Variants in COL5A1 observed in about 807,000 individuals in gnomAD.
The protein encoded by COL5A1 is collagen type V alpha 1 chain.
A neutral mutation model predicts 263.7 loss-of-function variants in COL5A1; 16 were observed. The observed-to-expected ratio is 0.06, with a 90% CI of 0.04 to 0.09. COL5A1 has a LOEUF of 0.09. COL5A1 is among the 10% of genes least tolerant of loss of function. COL5A1 has a pLI of 1.00. For synonymous variants in COL5A1, 1,012 were observed against 1,004.5 expected (o/e 1.01, Z -0.14); for missense variants, 2,036 against 2,540.5 (o/e 0.80, Z 4.27).
intron 1 of COL5A1, among the ~76,000 whole-genome samples, chr9:134,644,012 C>T (rs1588393548): frequency 1.3e-5 from 2 of 152,094 alleles, no homozygotes; most frequent in East Asian, 1.9e-4. Flanking sequence ...GTGAGGATGG[C>T]CCAGAGCAGC....
intron 4 of COL5A1, among the ~76,000 whole-genome samples, chr9:134,724,024 C>T (rs546907766): frequency 2.6e-5 from 4 of 152,266 alleles, no homozygotes; most frequent in South Asian, 4.1e-4. Flanking sequence ...GTCCTCCCCT[C>T]GGCCCCTGCC....
chr9:134,768,876 C>T (rs906363614), intron 25 of COL5A1, among the ~76,000 whole-genome samples: 2 of 152,148 alleles, frequency 1.3e-5, no homozygotes, highest in East Asian at 1.9e-4. Flanking sequence ...GGTGAGCAAA[C>T]GCGTTTGCAG....
At position 134,756,809 on chromosome 9, in the gene COL5A1, T is replaced by G; in HGVS notation, c.1872T>G (p.Thr624=). The change falls in exon 17 of 66, where the codon ACT becomes ACG. Residue 624 remains threonine, a synonymous_variant. Transcript: ENST00000371817. ...GAGCCAGAGGAATGCCTGGACAAAC[T>G]GGCCCCAAGGTAGGTCACCCACCAC... ...SDGARGMPGQ[T]GPKGDRGFDG... 2 of 1,614,014 alleles carry G rather than the reference T, an allele frequency of 1.2e-6. No homozygotes were observed. Among genetic ancestry groups the G allele is most frequent in the Admixed American group, 1.7e-5 (1 of 60,002 alleles).
intron 19 of COL5A1, among the ~76,000 whole-genome samples, chr9:134,762,800 C>A (rs1429943055): frequency 6.6e-6 from 1 of 151,596 alleles, no homozygotes; most frequent in African/African-American, 2.4e-5. Context: ...GGCCTCAGCA[C>A]AGTCTGCTGT....
Position 134,834,481 on chromosome 9 carries a change from G to A in COL5A1, c.5137-490G>A, listed in dbSNP as rs529054817. 1.9e-3 allele frequency among the ~76,000 whole-genome samples: 294 copies of A among 152,280 alleles called. 1 individual carries two copies. Among genetic ancestry groups the A allele is most frequent in the African/African-American group, 6.7e-3 (277 of 41,544 alleles). On this transcript the variant is annotated intron_variant, in intron 64 of 65. Coordinates refer to ENST00000371817, the MANE Select transcript of COL5A1 (RefSeq NM_000093.5). Reference sequence around the variant, plus strand: ...GCTGGCCCAGGAGACACTGGCTGCCGTTCACCATGCAGCAAAGCTTTATCA... The same window carrying A: ...GCTGGCCCAGGAGACACTGGCTGCCATTCACCATGCAGCAAAGCTTTATCA...
rs1212782465 is a variant in COL5A1, at chr9:134,822,127, C to T, written c.4585C>T (p.Pro1529Ser). Residue 1529 changes from proline to serine, a missense_variant, in exon 59 of 66, where the codon CCT becomes TCT. This residue lies in a region of COL5A1 where 1,078 missense variants were observed against 1,521.4 expected (regional missense o/e 0.71). Transcript: ENST00000371817. ...GITGPSGPIG[P>S]PGPPGLPGPP... ...CACTGGTCCTTCTGGCCCGATTGGG[C>T]CTCCTGGGCCCCCTGGCCTGCCGGT... 1.2e-6 allele frequency: 2 copies of T among 1,613,894 alleles called. No homozygotes were observed. The highest frequency in any genetic ancestry group is 1.7e-6 in the Non-Finnish European group (2 of 1,179,916).
intron 6 of COL5A1, among the ~76,000 whole-genome samples, 172 bp from the exon 7 acceptor site, chr9:134,730,064 C>T (rs1280747753): frequency 1.3e-5 from 2 of 152,178 alleles, no homozygotes; most frequent in Non-Finnish European, 2.9e-5. Flanking sequence ...TGCCCCCAAG[C>T]CCCATGGATG....
At chr9:134,735,170 G>A (rs926234072) in intron 9 of COL5A1, among the ~76,000 whole-genome samples, 4 of 150,444 alleles carry the variant, frequency 2.7e-5, no homozygotes, top group African/African-American at 9.8e-5. Flanking sequence ...CCAAGATTGC[G>A]CCACTGCACT....
At chr9:134,659,252 G>A (rs1284226287) in intron 1 of COL5A1, among the ~76,000 whole-genome samples, 1 of 152,188 alleles carries the variant, frequency 6.6e-6, no homozygotes, top group Non-Finnish European at 1.5e-5. Context: ...AGCCGGGCGT[G>A]ATGGTGCATG....
At chr9:134,709,656 C>G (rs537691063) in intron 4 of COL5A1, among the ~76,000 whole-genome samples, 2 of 152,316 alleles carry the variant, frequency 1.3e-5, no homozygotes, top group South Asian at 2.1e-4. Context: ...CCTGGCCCCT[C>G]CTGCTGCCTG....
At chr9:134,825,509 C>G (rs1008609201) in intron 62 of COL5A1, among the ~76,000 whole-genome samples, 1 of 152,140 alleles carries the variant, frequency 6.6e-6, no homozygotes, top group Non-Finnish European at 1.5e-5. Context: ...TTCTGTCCAC[C>G]CAGAGAGTAG....
At chr9:134,752,235 A>G (rs1835807002) in intron 13 of COL5A1, among the ~76,000 whole-genome samples, 2 of 150,974 alleles carry the variant, frequency 1.3e-5, no homozygotes, top group Admixed American at 1.3e-4. Context: ...CTATGCCCAG[A>G]GTAAGAGGCT....
chr9:134,765,068 G>T lies in COL5A1; in HGVS notation c.2035-613G>T, dbSNP rs565674460. Among the ~76,000 whole-genome samples, 14 of 152,146 alleles carry T rather than the reference G, an allele frequency of 9.2e-5. No individual in the cohort carries two copies. The South Asian group carries it at 2.9e-3, about 32-fold the overall frequency. The stretch of plus-strand genomic sequence containing the variant: ...GAATCTCACTCCACCTGCGGTAAAG[G>T]GGAGGTTCTGCACGAGCCTCGCCGA... On this transcript the variant is annotated intron_variant, in intron 20 of 65. Coordinates refer to ENST00000371817, the MANE Select transcript of COL5A1 (RefSeq NM_000093.5). The surrounding 1 kb of genome is among the most constrained non-coding windows in gnomAD (Gnocchi z 5.1).
intron 25 of COL5A1, among the ~76,000 whole-genome samples, chr9:134,772,384 G>C (rs1223082003): frequency 1.3e-5 from 2 of 152,236 alleles, no homozygotes; most frequent in Non-Finnish European, 2.9e-5. Flanking sequence ...TGGGGAAGAG[G>C]CCCTTGTTGG....
intron 4 of COL5A1, among the ~76,000 whole-genome samples, chr9:134,711,117 T>C (rs886372775): frequency 6.6e-6 from 1 of 152,114 alleles, no homozygotes; most frequent in Non-Finnish European, 1.5e-5. Context: ...CTTCCACAGC[T>C]GGCCTCCGCC....
In COL5A1 at chr9:134,742,181, C is replaced by G. The variant is rs1835329217; in HGVS notation, c.1494+3373C>G. On this transcript the variant is annotated intron_variant, in intron 11 of 65. Transcript: ENST00000371817. The surrounding 1 kb of genome is among the most constrained non-coding windows in gnomAD (Gnocchi z 4.6). The stretch of plus-strand genomic sequence containing the variant: ...TCTCCCGCTGCTCCCCTTGGATGAC[C>G]TTCCATGCTGCATCTGCCTTCTAGC... Among the ~76,000 whole-genome samples the G allele has an allele frequency of 6.6e-6, 1 of 152,220 alleles. No homozygotes were observed. The highest frequency in any genetic ancestry group is 2.4e-5 in the African/African-American group (1 of 41,450).
chr9:134,750,728 C>T (rs868000896), intron 12 of COL5A1, 62 bp from the exon 13 acceptor site: 13 of 1,600,982 alleles, frequency 8.1e-6, no homozygotes, highest in East Asian at 2.2e-5. Flanking sequence ...CCGTCTCAGT[C>T]TGTGGTCTTG....
At chr9:134,725,867 G>C (rs1834629781) in intron 4 of COL5A1, among the ~76,000 whole-genome samples, 1 of 152,180 alleles carries the variant, frequency 6.6e-6, no homozygotes, top group African/African-American at 2.4e-5. Context: ...GTAGACATGT[G>C]GGTTGCATTT....
At chr9:134,724,952 T>C (rs1191649615) in intron 4 of COL5A1, among the ~76,000 whole-genome samples, 4 of 151,776 alleles carry the variant, frequency 2.6e-5, no homozygotes, top group Non-Finnish European at 5.9e-5. Context: ...CCAGATGGGG[T>C]TGGGCACCCT....
Sources: gnomAD v4.1 joint callset for allele counts (sites outside exome capture counted in the v4.1 genomes callset) on GRCh38, gnomAD v4.1.1 for gene constraint, gnomAD v4.1.1 regional missense constraint, Gnocchi (gnomAD v3.1) non-coding constraint, MANE v1.5 for transcripts, NCBI Gene and HGNC (gene_info 2026-07-23, HGNC 2026-07-21) for gene names.